The following CEP97 variants were observed in gnomAD, a reference collection of about 807,000 sequenced individuals.
The protein encoded by CEP97 is centrosomal protein of 97 kDa.
A neutral mutation model predicts 73.1 loss-of-function variants in CEP97; 43 were observed. The observed-to-expected ratio is 0.59, with a 90% CI of 0.46 to 0.76. The LOEUF (loss-of-function observed/expected upper bound fraction) is 0.76, where lower values mean the gene tolerates loss of function less well. Ranked by LOEUF, CEP97 falls within the 30% of genes least tolerant of loss-of-function variation. The pLI is 0.00. For synonymous variants in CEP97, 337 were observed against 370.0 expected (o/e 0.91, Z 1.02); for missense variants, 939 against 1,014.0 (o/e 0.93, Z 1.00).
intron 6 of CEP97, among the ~76,000 whole-genome samples, chr3:101,747,167 T>C (rs1211036161): frequency 6.6e-6 from 1 of 151,178 alleles, no homozygotes; most frequent in Non-Finnish European, 1.5e-5. Context: ...GACCCAGCCA[T>C]CCCATTACTG....
chr3:101,761,746 G>T (rs1014337382), intron 9 of CEP97, among the ~76,000 whole-genome samples: 1 of 152,162 alleles, frequency 6.6e-6, no homozygotes, highest in African/African-American at 2.4e-5. Flanking sequence ...AGGAGTTCTA[G>T]ATGGCACAGG....
rs1939364838 is a variant in CEP97, at chr3:101,768,168, T to C, written c.*2617T>C. On this transcript the variant is annotated 3_prime_UTR_variant, in exon 11 of 11. Coordinates refer to ENST00000341893, the MANE Select transcript of CEP97 (RefSeq NM_024548.4). ...AGCACAGAATCATACCATGTAAGAG[T>C]TGGAAGGAAGCTTAAGAGATTTCTG... 1 of 152,254 alleles carries C rather than the reference T, an allele frequency of 6.6e-6. No individual in the cohort carries two copies. The highest frequency in any genetic ancestry group is 3.4e-3 in the Middle Eastern group (1 of 294). The allele number at this position is 152,254 out of a possible 1,614,324, so 9.4% of individuals were successfully genotyped here. A position where few individuals can be genotyped will look rare whatever the true frequency, so the allele number is the denominator to read the frequency against.
In CEP97 at chr3:101,731,792, T is replaced by A. The variant is rs756170944; in HGVS notation, c.448-48T>A. The A allele has an allele frequency of 1.2e-5, 13 of 1,103,784 alleles. No individual in the cohort carries two copies. In the South Asian group the frequency reaches 1.7e-4, roughly 14 times the overall value. The allele number at this position is 1,103,784 out of a possible 1,614,324, so 68.4% of individuals were successfully genotyped here. A position where few individuals can be genotyped will look rare whatever the true frequency, so the allele number is the denominator to read the frequency against. On this transcript the variant is annotated intron_variant, in intron 4 of 10. Transcript: ENST00000341893. ...TTTGGTGTTGTCACAATAGGCCAATTTATTTGTAATCTTTTCATTTGTAAT... is the reference window on the plus strand; with the variant it reads ...TTTGGTGTTGTCACAATAGGCCAATATATTTGTAATCTTTTCATTTGTAAT...
chr3:101,757,256 A>G, intron 8 of CEP97, 60 bp downstream of exon 8: 1 of 1,542,638 alleles, frequency 6.5e-7, no homozygotes, highest in South Asian at 1.3e-5. Context: ...GTCGGGTATC[A>G]TAAAGCAGAA....
At chr3:101,747,258 CTTTT>C (rs35085560) in intron 6 of CEP97, among the ~76,000 whole-genome samples, 2 of 129,742 alleles carry the variant, frequency 1.5e-5, no homozygotes, top group Non-Finnish European at 1.6e-5. Context: ...TTCAGAACTC[CTTTT>C]TTTTTTTTTT....
intron 9 of CEP97, among the ~76,000 whole-genome samples, chr3:101,759,882 A>T (rs969317586): frequency 6.6e-6 from 1 of 152,114 alleles, no homozygotes; most frequent in African/African-American, 2.4e-5. Context: ...GTTTTGAGGA[A>T]AACAAGAGAA....
chr3:101,731,729 T>C (rs965042163), intron 4 of CEP97, 111 bp from the exon 5 acceptor site: 1 of 643,248 alleles, frequency 1.6e-6, no homozygotes, highest in Non-Finnish European at 2.8e-6. Context: ...TGATGAGAAA[T>C]ATAATAAAGT....
chr3:101,729,160 A>G (rs1276549753), intron 4 of CEP97, among the ~76,000 whole-genome samples: 1 of 152,088 alleles, frequency 6.6e-6, no homozygotes, highest in Admixed American at 6.5e-5. Context: ...CCTGGGCAAC[A>G]TGGCAAAGCC....
rs961520201 is a variant in CEP97 at position 101,731,853 on chromosome 3, A to G, written c.461A>G (p.His154Arg). The change falls in exon 5 of 11, where the codon CAT becomes CGT. Residue 154 changes from histidine (H) to arginine (R), a missense_variant. Transcript: ENST00000341893. ...KLVSLKTLLL[H>R]GNIITSLRMA... ...TTTACTTTCAAGACCCTGCTTTTACATGGAAACATCATCACCTCTCTTAGA... is the reference window on the plus strand; with the variant it reads ...TTTACTTTCAAGACCCTGCTTTTACGTGGAAACATCATCACCTCTCTTAGA... 8 of 1,594,044 alleles carry G rather than the reference A, an allele frequency of 5.0e-6. No homozygotes were observed. The highest frequency in any genetic ancestry group is 2.2e-5 in the East Asian group (1 of 44,676).
Position 101,765,234 on chromosome 3 carries a change from G to C in CEP97, c.2281G>C (p.Glu761Gln), listed in dbSNP as rs1292609354. The C allele has an allele frequency of 1.9e-6, 3 of 1,614,060 alleles. No individual in the cohort carries two copies. Among genetic ancestry groups the C allele is most frequent in the Non-Finnish European group, 2.5e-6 (3 of 1,180,030 alleles). Residue 761 changes from glutamate to glutamine, a missense_variant, in exon 11 of 11, where the codon GAA becomes CAA. By Grantham distance (29) the Glu-to-Gln change is conservative. Transcript: ENST00000341893. ...TGAAGAACATGGTGAATGGAATAAG[G>C]AAAGCTCAAATAACGAGCAGGACAA... ...VSEEHGEWNK[E>Q]SSNNEQDNSL...
At chr3:101,754,812 A>G (rs1452840347) in intron 6 of CEP97, among the ~76,000 whole-genome samples, 1 of 151,890 alleles carries the variant, frequency 6.6e-6, no homozygotes, top group Non-Finnish European at 1.5e-5. Flanking sequence ...TTTACCAACT[A>G]CATCCCTGTG....
rs781274882 is a variant in CEP97, at chr3:101,757,795, A to G, written c.1189A>G (p.Ser397Gly). 1.2e-6 allele frequency: 2 copies of G among 1,614,112 alleles called. No homozygotes were observed. Among genetic ancestry groups the G allele is most frequent in the African/African-American group, 1.3e-5 (1 of 74,944 alleles). ...IQTDEDKLNC[S>G]LLSSESTFMP... Reference sequence around the variant, plus strand: ...GACGGATGAGGACAAGTTAAACTGTAGTCTTCTCTCTTCAGAGTCTACTTT... The same window carrying G: ...GACGGATGAGGACAAGTTAAACTGTGGTCTTCTCTCTTCAGAGTCTACTTT... Residue 397 changes from serine (S) to glycine (G), a missense_variant, in exon 9 of 11, where the codon AGT becomes GGT. Transcript: ENST00000341893.
Position 101,732,394 on chromosome 3 carries a change from A to G in CEP97, c.562-94A>G, listed in dbSNP as rs980196019. 4 of 841,520 alleles carry G rather than the reference A, an allele frequency of 4.8e-6. No individual in the cohort carries two copies. The African/African-American group carries it at 5.1e-5, about 11-fold the overall frequency. The allele number at this position is 841,520 out of a possible 1,614,324, so 52.1% of individuals were successfully genotyped here. ...TTCAGAACAAGAGGGAAATTATCAC[A>G]TTCTCAAATGCTGCCAAAGATATGT... is the stretch of plus-strand genomic sequence containing the variant. On this transcript the variant is annotated intron_variant, in intron 5 of 10. Transcript: ENST00000341893.
At chr3:101,761,419 G>A (rs190779194) in intron 9 of CEP97, among the ~76,000 whole-genome samples, 1 of 152,270 alleles carries the variant, frequency 6.6e-6, no homozygotes, top group East Asian at 1.9e-4. Context: ...TGAATGTTGA[G>A]GTCTCCAAAA....
rs1432669380 is a variant in CEP97 at position 101,746,224 on chromosome 3, A to G, written c.729-9206A>G. Among the ~76,000 whole-genome samples, 10 of 152,326 alleles carry G rather than the reference A, an allele frequency of 6.6e-5. No individual in the cohort carries two copies. In the South Asian group the frequency reaches 1.7e-3, roughly 25 times the overall value. ...AATGCCACAATAAACATATGTGTGCATGTGTCTTTATAGCAGCATGATTTA... is the reference window on the plus strand; with the variant it reads ...AATGCCACAATAAACATATGTGTGCGTGTGTCTTTATAGCAGCATGATTTA... On this transcript the variant is annotated intron_variant, in intron 6 of 10. Coordinates refer to ENST00000341893, the MANE Select transcript of CEP97 (RefSeq NM_024548.4).
chr3:101,764,934 G>A lies in CEP97; in HGVS notation c.1981G>A (p.Val661Met), dbSNP rs1323112475. The A allele has an allele frequency of 2.5e-6, 4 of 1,614,168 alleles. No individual in the cohort carries two copies. The highest frequency in any genetic ancestry group is 1.7e-5 in the Admixed American group (1 of 60,014). ...TDVPPISSTLVPSKHPLFTQS... is the reference protein window; with the variant it reads ...TDVPPISSTLMPSKHPLFTQS... ...TGTTCCTCCTATATCAAGTACTCTT[G>A]TGCCATCGAAACATCCATTATTTAC... Residue 661 changes from valine to methionine, a missense_variant, in exon 11 of 11, where the codon GTG becomes ATG. Coordinates refer to ENST00000341893, the MANE Select transcript of CEP97 (RefSeq NM_024548.4).
chr3:101,752,060 C>T (rs574634979), intron 6 of CEP97, among the ~76,000 whole-genome samples: 1 of 152,272 alleles, frequency 6.6e-6, no homozygotes, highest in East Asian at 1.9e-4. Flanking sequence ...TTAGTGCTTC[C>T]TTCAGGACCT....
chr3:101,747,771 T>G (rs1005847761), intron 6 of CEP97, among the ~76,000 whole-genome samples: 1 of 151,758 alleles, frequency 6.6e-6, no homozygotes, highest in African/African-American at 2.4e-5. Flanking sequence ...CTTCTCTTGT[T>G]TTAAGTAAAC....
At chr3:101,740,499 C>G (rs1938414744) in intron 6 of CEP97, among the ~76,000 whole-genome samples, 1 of 152,188 alleles carries the variant, frequency 6.6e-6, no homozygotes, top group Non-Finnish European at 1.5e-5. Flanking sequence ...ATTCCATGCT[C>G]ATGCATAGGA....
Sources: gnomAD v4.1 joint callset for allele counts (sites outside exome capture counted in the v4.1 genomes callset) on GRCh38, gnomAD v4.1.1 for gene constraint, MANE v1.5 for transcripts, NCBI Gene and HGNC (gene_info 2026-07-23, HGNC 2026-07-21) for gene names.